The following ABL2 variants were observed in gnomAD, a reference collection of about 807,000 sequenced individuals.
ABL2 encodes ABL proto-oncogene 2, non-receptor tyrosine kinase, also known as tyrosine-protein kinase ABL2.
A neutral mutation model predicts 107.7 loss-of-function variants in ABL2; 49 were observed. The observed-to-expected ratio is 0.45, with a 90% confidence interval of 0.36 to 0.58. The LOEUF is 0.58. ABL2 is among the 20% of genes least tolerant of loss of function. The pLI is 0.00. For missense variants in ABL2, 1,245 were observed against 1,457.0 expected, an observed-to-expected ratio of 0.85 and a Z score of 2.37; for synonymous variants, 549 against 548.6, an observed-to-expected ratio of 1.00 and a Z score of -0.01.
chr1:179,193,613 C>G (rs1163209076), intron 1 of ABL2, among the ~76,000 whole-genome samples: 1 of 152,146 alleles, frequency 6.6e-6, no homozygotes, highest in Non-Finnish European at 1.5e-5. Context: ...ACCATGTTCA[C>G]CAAGCTAGTC....
intron 1 of ABL2, among the ~76,000 whole-genome samples, chr1:179,196,941 T>G (rs1661348188): frequency 6.6e-6 from 1 of 152,188 alleles, no homozygotes; most frequent in Non-Finnish European, 1.5e-5. Flanking sequence ...TTGAAATTAG[T>G]TCAATGGATG....
Position 179,108,196 on chromosome 1 carries a change from T to A in ABL2, c.3071A>T (p.Lys1024Met). 1 of 1,614,198 alleles carries A rather than the reference T, an allele frequency of 6.2e-7. No homozygotes were observed. Among genetic ancestry groups the A allele is most frequent in the Non-Finnish European group, 8.5e-7 (1 of 1,180,038 alleles). Residue 1024 changes from lysine to methionine, a missense_variant, in exon 12 of 12, where the codon AAG becomes ATG. Coordinates refer to ENST00000502732, the MANE Select transcript of ABL2 (RefSeq NM_007314.4). ...STSETQEGGK[K>M]AALGAVPISG... ...GATGGGCACTGCGCCCAGAGCTGCCTTCTTTCCTCCTTCCTGTGTTTCTGA... is the reference window on the plus strand; with the variant it reads ...GATGGGCACTGCGCCCAGAGCTGCCATCTTTCCTCCTTCCTGTGTTTCTGA...
At position 179,148,317 on chromosome 1, in the gene ABL2, G is replaced by A. The variant is rs539802753; in HGVS notation, c.158-14943C>T. Among the ~76,000 whole-genome samples the A allele has an allele frequency of 1.4e-4, 21 of 152,052 alleles. No homozygotes were observed. In the East Asian group the frequency reaches 2.9e-3, roughly 21 times the overall value. ...CAGCCTCCCAAAATGTTGGTATTAC[G>A]GGTGTGAACCACCGCACCTGGCTAG... On this transcript the variant is annotated intron_variant, in intron 1 of 11. Coordinates refer to ENST00000502732, the MANE Select transcript of ABL2 (RefSeq NM_007314.4).
chr1:179,229,651 C>T lies in ABL2; in HGVS notation c.-254G>A. 1 of 488,738 alleles carries T rather than the reference C, an allele frequency of 2.0e-6. No homozygotes were observed. 30.3% of individuals were successfully genotyped at this position (488,738 alleles called of 1,614,324 possible). On this transcript the variant is annotated 5_prime_UTR_variant, in exon 1 of 12. Coordinates refer to ENST00000502732, the MANE Select transcript of ABL2 (RefSeq NM_007314.4). ...CCCCCAACGCCGCCGCCGCCGCCGCCGCCACCGCCGCCGCCATCTTTAAAC... is the reference window on the plus strand; with the variant it reads ...CCCCCAACGCCGCCGCCGCCGCCGCTGCCACCGCCGCCGCCATCTTTAAAC...
intron 9 of ABL2, among the ~76,000 whole-genome samples, chr1:179,113,402 T>C (rs989261070): frequency 2.0e-5 from 3 of 152,116 alleles, no homozygotes; most frequent in Admixed American, 6.5e-5. Context: ...TTCAGAAATA[T>C]AAAAGGATAT....
intron 1 of ABL2, among the ~76,000 whole-genome samples, chr1:179,227,385 CCATCAA>C (rs1265467162): frequency 6.6e-6 from 1 of 152,154 alleles, no homozygotes; most frequent in Admixed American, 6.5e-5. Context: ...CCTCACTAGC[CCATCAA>C]CAAATTATAT....
At chr1:179,110,769 A>G (rs1653978527) in intron 10 of ABL2, 2 of 1,613,916 alleles carry the variant, frequency 1.2e-6, no homozygotes, top group Admixed American at 1.7e-5. Context: ...TACTATGAAT[A>G]CGTTGCTAGC....
At position 179,118,517 on chromosome 1, in the gene ABL2, C is replaced by A; in HGVS notation, c.1223+70G>T. The A allele has an allele frequency of 2.0e-6, 3 of 1,490,306 alleles. No homozygotes were observed. The South Asian group carries it at 3.6e-5, about 18-fold the overall frequency. The allele number at this position is 1,490,306 out of a possible 1,614,324, so 92.3% of individuals were successfully genotyped here. A position where few individuals can be genotyped will look rare whatever the true frequency, so the allele number is the denominator to read the frequency against. On this transcript the variant is annotated intron_variant, in intron 7 of 11. Coordinates refer to ENST00000502732, the MANE Select transcript of ABL2 (RefSeq NM_007314.4). ...ATCTGAAATTTTCTGGGAAGGTTCT[C>A]ACATTCTTCCTTTTATCTGCATGTC...
At chr1:179,155,499 G>A (rs1232242036) in intron 1 of ABL2, among the ~76,000 whole-genome samples, 3 of 152,062 alleles carry the variant, frequency 2.0e-5, no homozygotes. Flanking sequence ...GGAGGCCGAG[G>A]CAGGCGGACT....
rs183879345 is a variant in ABL2 at position 179,113,059 on chromosome 1, G to A, written c.1562-661C>T. On this transcript the variant is annotated intron_variant, in intron 9 of 11. Transcript: ENST00000502732. ...TTGAGCCACTGCACCCAGCCAAAGTGAGCACACACAGCGATCTCAAGCTAC... is the reference window on the plus strand; with the variant it reads ...TTGAGCCACTGCACCCAGCCAAAGTAAGCACACACAGCGATCTCAAGCTAC... 7.0e-4 allele frequency among the ~76,000 whole-genome samples: 107 copies of A among 152,112 alleles called. No homozygotes were observed. The South Asian group carries it at 7.5e-3, about 11-fold the overall frequency.
chr1:179,184,650 T>C (rs925059021), intron 1 of ABL2: 12 of 500,144 alleles, frequency 2.4e-5, no homozygotes, highest in South Asian at 2.1e-4. Flanking sequence ...ATGATGATGA[T>C]GATAAAGGGA....
At chr1:179,194,793 T>TA (rs1444759896) in intron 1 of ABL2, among the ~76,000 whole-genome samples, 1 of 150,246 alleles carries the variant, frequency 6.7e-6, no homozygotes, top group Admixed American at 6.6e-5. Context: ...TTAATATGCT[T>TA]AAAGAAAAAA....
chr1:179,115,411 C>A (rs1034486540), intron 8 of ABL2, among the ~76,000 whole-genome samples: 25 of 152,326 alleles, frequency 1.6e-4, no homozygotes, highest in African/African-American at 6.0e-4. Flanking sequence ...CAGCTACTCA[C>A]AGTCAACCAA....
At chr1:179,154,662 A>G (rs535378511) in intron 1 of ABL2, among the ~76,000 whole-genome samples, 7 of 152,342 alleles carry the variant, frequency 4.6e-5, no homozygotes, top group Admixed American at 3.3e-4. Flanking sequence ...CATCCTTGAA[A>G]CAGAATACTG....
intron 3 of ABL2, among the ~76,000 whole-genome samples, chr1:179,130,914 G>GA (rs777087076): frequency 6.6e-6 from 1 of 150,424 alleles, no homozygotes; most frequent in African/African-American, 2.4e-5. Context: ...CACTGCCGGG[G>GA]AAAAAAATGT....
Position 179,109,029 on chromosome 1 carries a change from A to G in ABL2, c.2238T>C (p.Ser746=), listed in dbSNP as rs147272038. The change falls in exon 12 of 12, where the codon TCT becomes TCC. Residue 746 remains serine (S), a synonymous_variant. Coordinates refer to ENST00000502732, the MANE Select transcript of ABL2 (RefSeq NM_007314.4). ...GTGGTGTAAAGAAGCCTGTGATGCC[A>G]GACCACCCACCCCCAGCAGTGCCAC... The part of the protein sequence containing the change: ...GGSGTAGGGW[S]GITGFFTPRL... 4.9e-4 allele frequency: 786 copies of G among 1,612,984 alleles called. No individual in the cohort carries two copies. The highest frequency in any genetic ancestry group is 6.4e-4 in the Non-Finnish European group (758 of 1,179,958).
chr1:179,229,188 A>AGCC, intron 1 of ABL2, 53 bp downstream of exon 1: 1 of 125,704 alleles, frequency 8.0e-6, no homozygotes. Flanking sequence ...CCCCGCCCCG[A>AGCC]CCCCACCCCC....
In ABL2 at chr1:179,223,918, A is replaced by G. The variant is rs527992885; in HGVS notation, c.157+5323T>C. Among the ~76,000 whole-genome samples the G allele has an allele frequency of 8.7e-5, 13 of 149,432 alleles. No homozygotes were observed. In the East Asian group the frequency reaches 1.6e-3, roughly 18 times the overall value. On this transcript the variant is annotated intron_variant, in intron 1 of 11. Coordinates refer to ENST00000502732, the MANE Select transcript of ABL2 (RefSeq NM_007314.4). ...CAAGGCAGGCAGATCACTTGAGCCC[A>G]GGAGTTCAAAACCACCATGGGCAAC...
chr1:179,207,076 T>C (rs1357954884), intron 1 of ABL2, among the ~76,000 whole-genome samples: 1 of 152,136 alleles, frequency 6.6e-6, no homozygotes, highest in African/African-American at 2.4e-5. Flanking sequence ...TGCCTGTCCA[T>C]GGAGTGTCGT....
Sources: allele counts gnomAD v4.1 joint callset (sites outside exome capture counted in the v4.1 genomes callset), GRCh38; gene constraint gnomAD v4.1.1; transcripts MANE v1.5; gene names NCBI Gene and HGNC (gene_info 2026-07-23, HGNC 2026-07-21).